Variants in LAMB1 observed in about 807,000 individuals in gnomAD.
The protein encoded by LAMB1 is laminin subunit beta 1.
A neutral mutation model predicts 222.3 loss-of-function variants in LAMB1; 121 were observed. The observed-to-expected ratio is 0.54, with a 90% CI of 0.47 to 0.63. The LOEUF is 0.63. Ranked by LOEUF, LAMB1 falls within the 30% of genes least tolerant of loss-of-function variation. The pLI, the probability that LAMB1 is intolerant of heterozygous loss-of-function variation, is 0.00. For synonymous variants in LAMB1, 794 were observed against 807.2 expected, an observed-to-expected ratio of 0.98 and a Z score of 0.28; for missense variants, 2,172 against 2,240.8, an observed-to-expected ratio of 0.97 and a Z score of 0.62.
intron 21 of LAMB1, among the ~76,000 whole-genome samples, chr7:107,954,433 G>T (rs1156499787): frequency 2.7e-5 from 4 of 149,306 alleles, no homozygotes; most frequent in Non-Finnish European, 1.5e-5. Flanking sequence ...GCCTCCCAAA[G>T]TGCTGGAACT....
intron 3 of LAMB1, among the ~76,000 whole-genome samples, chr7:108,000,543 T>C (rs569031035): frequency 6.6e-6 from 1 of 152,182 alleles, no homozygotes; most frequent in Non-Finnish European, 1.5e-5. Flanking sequence ...ATATCAGCCT[T>C]TATTTAAAAA....
At chr7:107,974,962 C>T (rs1476294758) in intron 12 of LAMB1, 24 bp downstream of exon 12, 1 of 1,311,630 alleles carries the variant, frequency 7.6e-7, no homozygotes, top group South Asian at 1.2e-5. Context: ...AACCACCCAT[C>T]CCACGTAATG....
Position 107,989,850 on chromosome 7 carries a change from C to T in LAMB1, c.424-3487G>A, listed in dbSNP as rs10264263. Among the ~76,000 whole-genome samples, 399 of 152,258 alleles carry T rather than the reference C, an allele frequency of 2.6e-3. 4 individuals are homozygous for T. The highest frequency in any genetic ancestry group is 9.2e-3 in the African/African-American group (383 of 41,542). On this transcript the variant is annotated intron_variant, in intron 5 of 33. Coordinates refer to ENST00000222399, the MANE Select transcript of LAMB1 (RefSeq NM_002291.3). ...CTTTTAAGTCCCAAAGGACCATTGA[C>T]GAGTCATCCAATTTCCCGTGGAGTT...
At chr7:107,975,947 G>C in intron 9 of LAMB1, 70 bp from the exon 10 acceptor site, 2 of 1,381,714 alleles carry the variant, frequency 1.4e-6, no homozygotes, top group Non-Finnish European at 9.9e-7. Flanking sequence ...GGGGTGGCAG[G>C]AAGATCCTTT....
chr7:107,936,961 C>G (rs1584488458), intron 26 of LAMB1, 132 bp downstream of exon 26: 4 of 704,216 alleles, frequency 5.7e-6, no homozygotes, highest in Middle Eastern at 3.4e-4. Context: ...CTCATTTGTG[C>G]CAGAAACTGG....
chr7:107,981,445 TAAA>T (rs11304647), intron 7 of LAMB1, among the ~76,000 whole-genome samples: 10 of 141,276 alleles, frequency 7.1e-5, no homozygotes, highest in African/African-American at 1.6e-4. Flanking sequence ...CAAAACTGTT[TAAA>T]AAAAAAAAAA....
intron 16 of LAMB1, 25 bp downstream of exon 16, chr7:107,961,524 G>C: frequency 6.2e-7 from 1 of 1,601,606 alleles, no homozygotes; most frequent in Non-Finnish European, 8.5e-7. Flanking sequence ...AGCCCGTTGA[G>C]CTGCCAAACC....
chr7:107,948,089 C>T (rs1245042007), intron 24 of LAMB1, among the ~76,000 whole-genome samples: 3 of 146,846 alleles, frequency 2.0e-5, no homozygotes, highest in African/African-American at 5.0e-5. Flanking sequence ...TGGGTTCAAG[C>T]GATTCTCATG....
chr7:107,980,507 A>G (rs569042463), intron 8 of LAMB1, 102 bp downstream of exon 8: 6 of 953,662 alleles, frequency 6.3e-6, no homozygotes, highest in East Asian at 2.4e-5. Context: ...CTGTAAAACT[A>G]AAACCCCCAG....
rs917134520 is a variant in LAMB1, at chr7:107,940,334, A to G, written c.3416T>C (p.Ile1139Thr). Residue 1139 changes from isoleucine to threonine, a missense_variant, in exon 25 of 34, where the codon ATT becomes ACT. Transcript: ENST00000222399. ...GGACTGGTCACACTGTGGCGTCTCA[A>G]TGCCCCTGGGGTCACAGTCACAGGC... ...CRACDCDPRGIETPQCDQSTG... is the reference protein window; with the variant it reads ...CRACDCDPRGTETPQCDQSTG... 1.2e-6 allele frequency: 2 copies of G among 1,613,912 alleles called. No homozygotes were observed. Among genetic ancestry groups the G allele is most frequent in the African/African-American group, 1.3e-5 (1 of 74,918 alleles).
intron 30 of LAMB1, 22 bp downstream of exon 30, chr7:107,929,390 T>C (rs2032650941): frequency 6.2e-7 from 1 of 1,602,766 alleles, no homozygotes; most frequent in Non-Finnish European, 8.5e-7. Flanking sequence ...ATAAGCCCCT[T>C]AGATGCCATG....
intron 22 of LAMB1, among the ~76,000 whole-genome samples, chr7:107,953,238 T>A (rs902005040): frequency 6.6e-6 from 1 of 151,838 alleles, no homozygotes; most frequent in Non-Finnish European, 1.5e-5. Context: ...GTGCCTGCAA[T>A]CCCACCTACT....
chr7:107,998,636 T>G lies in LAMB1; in HGVS notation c.214-144A>C. The G allele has an allele frequency of 7.9e-6, 5 of 634,092 alleles. No individual in the cohort carries two copies. In the South Asian group the frequency reaches 1.3e-4, roughly 16 times the overall value. The allele number at this position is 634,092 out of a possible 1,614,324, so 39.3% of individuals were successfully genotyped here. ...ATTGTGTGAAAATTGCTTAGGAGATTTGTATCACATCTTTCACTTTTAACT... is the reference window on the plus strand; with the variant it reads ...ATTGTGTGAAAATTGCTTAGGAGATGTGTATCACATCTTTCACTTTTAACT... On this transcript the variant is annotated intron_variant, in intron 3 of 33. Transcript: ENST00000222399.
intron 31 of LAMB1, 71 bp from the exon 32 acceptor site, chr7:107,926,430 G>A (rs2032569049): frequency 1.5e-6 from 2 of 1,334,854 alleles, no homozygotes; most frequent in Admixed American, 2.1e-5. Context: ...CAAGTTTGGA[G>A]GAAGATTTAA....
chr7:107,966,817 C>T (rs2033646286), intron 13 of LAMB1, among the ~76,000 whole-genome samples: 1 of 152,166 alleles, frequency 6.6e-6, no homozygotes, highest in Non-Finnish European at 1.5e-5. Context: ...CCTCTATCTG[C>T]AGCACAATTC....
Position 107,975,779 on chromosome 7 carries a change from G to C in LAMB1, c.1099C>G (p.His367Asp), listed in dbSNP as rs2033841931. The change falls in exon 10 of 34, where the codon CAC becomes GAC. Residue 367 changes from histidine to aspartate, a missense_variant. By Grantham distance (81) the His-to-Asp change is moderately conservative. Transcript: ENST00000222399. ...VSGGVCDDCQHNTMGRNCEQC... is the reference protein window; with the variant it reads ...VSGGVCDDCQDNTMGRNCEQC... ...TCACAGTTGCGCCCCATGGTGTTGT[G>C]CTGACAGTCATCACACACGCCTCCG... 1.2e-6 allele frequency: 2 copies of C among 1,614,046 alleles called. No homozygotes were observed. The highest frequency in any genetic ancestry group is 2.7e-5 in the African/African-American group (2 of 74,990).
At chr7:107,927,728 G>T (rs1229851980) in intron 31 of LAMB1, among the ~76,000 whole-genome samples, 1 of 149,646 alleles carries the variant, frequency 6.7e-6, no homozygotes, top group Non-Finnish European at 1.5e-5. Flanking sequence ...TTTATAGTCT[G>T]GTGGGAAAAC....
At chr7:107,983,364 G>A (rs1013809409) in intron 7 of LAMB1, among the ~76,000 whole-genome samples, 4 of 152,118 alleles carry the variant, frequency 2.6e-5, no homozygotes, top group Non-Finnish European at 5.9e-5. Context: ...TTGCACCTTA[G>A]TAGCAGGAGA....
Position 107,975,384 on chromosome 7 carries a change from T to C in LAMB1, c.1219A>G (p.Asn407Asp). The stretch of plus-strand genomic sequence containing the variant: ...GTATAGCTGTCACAAATTCCCTCAT[T>C]TTGAGAGCCAGCTGGGTCACACGTA... ...RCTCDPAGSQNEGICDSYTDF... is the reference protein window; with the variant it reads ...RCTCDPAGSQDEGICDSYTDF... Residue 407 changes from asparagine to aspartate, a missense_variant, in exon 11 of 34, where the codon AAT becomes GAT. Asn to Asp is a conservative substitution (Grantham distance 23). Coordinates refer to ENST00000222399, the MANE Select transcript of LAMB1 (RefSeq NM_002291.3). 1.2e-6 allele frequency: 2 copies of C among 1,613,310 alleles called. No homozygotes were observed. Among genetic ancestry groups the C allele is most frequent in the Non-Finnish European group, 1.7e-6 (2 of 1,179,784 alleles).
Sources: allele counts gnomAD v4.1 joint callset (sites outside exome capture counted in the v4.1 genomes callset), GRCh38; gene constraint gnomAD v4.1.1; transcripts MANE v1.5; gene names NCBI Gene and HGNC (gene_info 2026-07-23, HGNC 2026-07-21).